Variants in SLF1 observed in about 807,000 individuals in gnomAD.
The protein encoded by SLF1 is SMC5-SMC6 complex localization factor protein 1.
A neutral mutation model predicts 123.0 loss-of-function variants in SLF1; 105 were observed. That is an observed-to-expected ratio of 0.85 (90% confidence interval 0.73 to 1.00). The LOEUF is 1.00. Among genes scored for constraint, SLF1 ranks in the 50% least tolerant of loss-of-function variants. The pLI, the probability that SLF1 is intolerant of heterozygous loss-of-function variation, is 0.00. For missense variants in SLF1, 1,239 were observed against 1,223.0 expected (o/e 1.01, Z -0.20); for synonymous variants, 434 against 406.6 (o/e 1.07, Z -0.81).
intron 1 of SLF1, among the ~76,000 whole-genome samples, chr5:94,619,558 C>G (rs985295036): frequency 1.2e-4 from 18 of 152,076 alleles, no homozygotes; most frequent in Non-Finnish European, 2.5e-4. Context: ...TTAGATGGAG[C>G]TTGATTTTGG....
At chr5:94,690,122 A>G (rs1490298420) in intron 18 of SLF1, among the ~76,000 whole-genome samples, 2 of 152,188 alleles carry the variant, frequency 1.3e-5, no homozygotes, top group Non-Finnish European at 2.9e-5. Flanking sequence ...ACTGGAACCT[A>G]AGTACCTAAA....
rs116714429 is a variant in SLF1 at position 94,651,992 on chromosome 5, C to T, written c.882+147C>T. 6.0e-3 allele frequency: 2,013 copies of T among 337,544 alleles called. 44 individuals carry two copies. The highest frequency in any genetic ancestry group is 0.042 in the African/African-American group (1,898 of 45,192). 20.9% of individuals were successfully genotyped at this position (337,544 alleles called of 1,614,324 possible). Reference sequence around the variant, plus strand: ...ATAGAGCATTACCAGTTTTTAAGACCTGCTGTATTATTTTCTTTTTTCTTT... The same window carrying T: ...ATAGAGCATTACCAGTTTTTAAGACTTGCTGTATTATTTTCTTTTTTCTTT... On this transcript the variant is annotated intron_variant, in intron 7 of 20. Coordinates refer to ENST00000265140, the MANE Select transcript of SLF1 (RefSeq NM_032290.4).
chr5:94,676,442 T>TGG (rs1408376617), intron 14 of SLF1, among the ~76,000 whole-genome samples: 3 of 152,160 alleles, frequency 2.0e-5, no homozygotes, highest in Non-Finnish European at 1.5e-5. Context: ...TCCCATGCCA[T>TGG]ATAGCCGCAA....
chr5:94,674,741 A>T (rs1388746308), intron 14 of SLF1, among the ~76,000 whole-genome samples: 1 of 152,210 alleles, frequency 6.6e-6, no homozygotes, highest in Non-Finnish European at 1.5e-5. Flanking sequence ...AGTGAATTTC[A>T]TTGTCATTAA....
At chr5:94,691,830 T>C (rs1328901379) in intron 19 of SLF1, among the ~76,000 whole-genome samples, 174 bp downstream of exon 19, 1 of 152,138 alleles carries the variant, frequency 6.6e-6, no homozygotes, top group Non-Finnish European at 1.5e-5. Flanking sequence ...TTATAACTAA[T>C]GGTATAAAAA....
intron 1 of SLF1, among the ~76,000 whole-genome samples, chr5:94,625,844 T>C (rs773656727): frequency 2.6e-5 from 4 of 152,214 alleles, no homozygotes; most frequent in Non-Finnish European, 4.4e-5. Flanking sequence ...ACTAAATCAT[T>C]ATTATTTCTA....
chr5:94,622,939 C>T (rs747730777), intron 1 of SLF1, among the ~76,000 whole-genome samples: 13 of 152,038 alleles, frequency 8.6e-5, no homozygotes, highest in Non-Finnish European at 1.3e-4. Context: ...TAGCACCTTC[C>T]GCTTTTTCCC....
intron 20 of SLF1, 107 bp from the exon 21 acceptor site, chr5:94,694,724 T>C: frequency 7.4e-7 from 1 of 1,356,810 alleles, no homozygotes; most frequent in Admixed American, 2.5e-5. Flanking sequence ...ATACAAAATA[T>C]GATTGCAAAG....
chr5:94,682,737 G>C (rs1751956845), intron 15 of SLF1, among the ~76,000 whole-genome samples: 1 of 152,138 alleles, frequency 6.6e-6, no homozygotes, highest in Admixed American at 6.5e-5. Flanking sequence ...TAAACACTTT[G>C]GACAGAAATT....
rs574875822 is a variant in SLF1, at chr5:94,691,999, A to G, written c.2513-75A>G. The stretch of plus-strand genomic sequence containing the variant: ...ACCTAGAAAGTCACACTGATGAGAA[A>G]AGTAGAACATCAGTACTTTTCTACC... On this transcript the variant is annotated intron_variant, in intron 19 of 20. Transcript: ENST00000265140. The G allele has an allele frequency of 9.4e-5, 135 of 1,439,334 alleles. No individual in the cohort carries two copies. The African/African-American group carries it at 9.4e-4, about 10-fold the overall frequency. 89.2% of individuals were successfully genotyped at this position (1,439,334 alleles called of 1,614,324 possible).
chr5:94,643,201 A>G lies in SLF1; in HGVS notation c.432-72A>G, dbSNP rs542115165. On this transcript the variant is annotated intron_variant, in intron 4 of 20. Coordinates refer to ENST00000265140, the MANE Select transcript of SLF1 (RefSeq NM_032290.4). ...AGTCCATTCGTACTCCTAAGAAATA[A>G]TTAATTTAGATAATTTGACTAAAGA... 4.1e-6 allele frequency: 5 copies of G among 1,224,396 alleles called. No homozygotes were observed. The South Asian group carries it at 7.6e-5, about 19-fold the overall frequency. 75.8% of individuals were successfully genotyped at this position (1,224,396 alleles called of 1,614,324 possible). A position where few individuals can be genotyped will look rare whatever the true frequency, so the allele number is the denominator to read the frequency against.
intron 1 of SLF1, 88 bp from the exon 2 acceptor site, chr5:94,628,723 T>C (rs546232540): frequency 1.4e-6 from 1 of 737,408 alleles, no homozygotes; most frequent in African/African-American, 1.8e-5. Flanking sequence ...TAGTTTATTT[T>C]TAGTACTCAT....
At chr5:94,676,862 G>C (rs1337477951) in intron 14 of SLF1, among the ~76,000 whole-genome samples, 3 of 152,166 alleles carry the variant, frequency 2.0e-5, no homozygotes, top group Non-Finnish European at 4.4e-5. Context: ...CTGCTAGCTA[G>C]AGCTATTAGA....
intron 12 of SLF1, among the ~76,000 whole-genome samples, chr5:94,667,715 T>C (rs753044924): frequency 3.2e-4 from 49 of 152,322 alleles, no homozygotes; most frequent in South Asian, 2.1e-4. Context: ...TTTGCTCTTA[T>C]GTTTTCCGAA....
At chr5:94,658,151 G>A (rs1176911933) in intron 9 of SLF1, among the ~76,000 whole-genome samples, 1 of 145,660 alleles carries the variant, frequency 6.9e-6, no homozygotes, top group South Asian at 2.2e-4. Context: ...CATTGCAGTT[G>A]GGTGTTTTTT....
intron 7 of SLF1, among the ~76,000 whole-genome samples, chr5:94,652,607 ATTG>A (rs1258169545): frequency 6.6e-6 from 1 of 151,912 alleles, no homozygotes; most frequent in Non-Finnish European, 1.5e-5. Context: ...TATGTGTTTG[ATTG>A]TTAAGTTTTT....
chr5:94,677,543 A>G (rs1751226388), intron 14 of SLF1, among the ~76,000 whole-genome samples: 1 of 152,218 alleles, frequency 6.6e-6, no homozygotes, highest in Admixed American at 6.5e-5. Flanking sequence ...AATTAGAAAG[A>G]AATTAGATGG....
chr5:94,635,097 C>T (rs1057400956), intron 4 of SLF1, among the ~76,000 whole-genome samples: 21 of 151,970 alleles, frequency 1.4e-4, no homozygotes, highest in Non-Finnish European at 2.8e-4. Flanking sequence ...GAGTCAAATC[C>T]AAAAATTATT....
intron 12 of SLF1, among the ~76,000 whole-genome samples, chr5:94,668,316 T>C (rs113454418): frequency 0.036 from 5,508 of 151,946 alleles, 224 homozygotes; most frequent in East Asian, 0.21. Flanking sequence ...AATTTTGTTG[T>C]TGTGGTTGTG....
Sources: gnomAD v4.1 joint callset for allele counts (sites outside exome capture counted in the v4.1 genomes callset) on GRCh38, gnomAD v4.1.1 for gene constraint, MANE v1.5 for transcripts, NCBI Gene and HGNC (gene_info 2026-07-23, HGNC 2026-07-21) for gene names.